The following SLC12A2 variants were observed in gnomAD, a reference collection of about 807,000 sequenced individuals.
SLC12A2 encodes the protein solute carrier family 12 member 2.
A neutral mutation model predicts 136.3 loss-of-function variants in SLC12A2; 67 were observed. The ratio of observed to expected loss-of-function variants is 0.49; its 90% confidence interval spans 0.40 to 0.60. The LOEUF is 0.60. Among genes scored for constraint, SLC12A2 ranks in the 20% least tolerant of loss-of-function variants. The pLI is 0.00. For missense variants in SLC12A2, 1,322 were observed against 1,534.7 expected (o/e 0.86, Z 2.32); for synonymous variants, 619 against 562.9 (o/e 1.10, Z -1.41).
intron 1 of SLC12A2, among the ~76,000 whole-genome samples, chr5:128,085,424 GAAAGACCTGTGGGGTC>G (rs1432443541): frequency 6.6e-6 from 1 of 152,122 alleles, no homozygotes; most frequent in Admixed American, 6.5e-5. Flanking sequence ...AGGATGACCA[GAAAGACCTGTGGGGTC>G]TTTGCCATAA....
At chr5:128,137,396 CTTAG>C (rs1204978925) in intron 7 of SLC12A2, among the ~76,000 whole-genome samples, 1 of 152,114 alleles carries the variant, frequency 6.6e-6, no homozygotes, top group African/African-American at 2.4e-5. Flanking sequence ...TCAGCAAACT[CTTAG>C]CTTAAGTATT....
chr5:128,111,436 A>G (rs1410461164), intron 1 of SLC12A2, among the ~76,000 whole-genome samples: 1 of 152,178 alleles, frequency 6.6e-6, no homozygotes, highest in East Asian at 1.9e-4. Context: ...GCACTGTGGT[A>G]GCACAGAACT....
At chr5:128,183,858 G>T (rs893972654) in intron 24 of SLC12A2, among the ~76,000 whole-genome samples, 3 of 152,022 alleles carry the variant, frequency 2.0e-5, no homozygotes, top group African/African-American at 7.2e-5. Context: ...GCCATAAGGG[G>T]AGGCGGGGTA....
chr5:128,167,557 TTA>T (rs2126741045), intron 17 of SLC12A2, among the ~76,000 whole-genome samples: 1 of 152,222 alleles, frequency 6.6e-6, no homozygotes, highest in Admixed American at 6.5e-5. Flanking sequence ...TATTTTTAAA[TTA>T]TATTTTTGTG....
chr5:128,180,647 C>T (rs1346133250), intron 22 of SLC12A2, among the ~76,000 whole-genome samples: 2 of 152,292 alleles, frequency 1.3e-5, no homozygotes, highest in East Asian at 1.9e-4. Context: ...TGACTGATCT[C>T]GACCTTACCA....
intron 4 of SLC12A2, among the ~76,000 whole-genome samples, chr5:128,121,044 C>T (rs1019413260): frequency 4.6e-5 from 7 of 151,922 alleles, no homozygotes; most frequent in Non-Finnish European, 1.0e-4. Flanking sequence ...TGAATTTTCC[C>T]TAGTGTTATG....
At chr5:128,093,475 A>G (rs1405717453) in intron 1 of SLC12A2, among the ~76,000 whole-genome samples, 1 of 152,124 alleles carries the variant, frequency 6.6e-6, no homozygotes, top group African/African-American at 2.4e-5. Context: ...AGATAACTCA[A>G]GCTCACAAAC....
intron 5 of SLC12A2, among the ~76,000 whole-genome samples, chr5:128,133,170 A>G (rs928373918): frequency 1.3e-5 from 2 of 152,100 alleles, no homozygotes; most frequent in African/African-American, 4.8e-5. Flanking sequence ...AAAAAACACT[A>G]AAAAATTTTT....
rs751131333 is a variant in SLC12A2 at position 128,112,802 on chromosome 5, T to C, written c.757-12T>C. The C allele has an allele frequency of 6.3e-7, 1 of 1,585,792 alleles. No homozygotes were observed. On this transcript the variant is annotated splice_polypyrimidine_tract_variant and intron_variant, in intron 1 of 26. Transcript: ENST00000262461. Reference sequence around the variant, plus strand: ...AATGTTAAGCATAATTCATATTTCTTTTTATAACCAGGAACCTTTTGAGGA... The same window carrying C: ...AATGTTAAGCATAATTCATATTTCTCTTTATAACCAGGAACCTTTTGAGGA...
intron 1 of SLC12A2, among the ~76,000 whole-genome samples, chr5:128,091,370 T>G (rs78502092): frequency 0.019 from 2,883 of 152,300 alleles, 80 homozygotes; most frequent in African/African-American, 0.062. Context: ...TTGCAGATAC[T>G]GGTTTGTTAA....
intron 14 of SLC12A2, among the ~76,000 whole-genome samples, chr5:128,152,101 T>C (rs1302866376): frequency 1.3e-5 from 2 of 151,936 alleles, no homozygotes; most frequent in African/African-American, 4.8e-5. Context: ...ATTACAAGAG[T>C]AGTTTCAATA....
intron 5 of SLC12A2, among the ~76,000 whole-genome samples, chr5:128,132,857 G>A (rs1762071129): frequency 6.6e-6 from 1 of 151,898 alleles, no homozygotes; most frequent in Admixed American, 6.6e-5. Context: ...CAAAGTTTAA[G>A]GTTTACTCTA....
At chr5:128,170,433 T>C (rs1253168435) in intron 18 of SLC12A2, 1 of 152,202 alleles carries the variant, frequency 6.6e-6, no homozygotes, top group African/African-American at 2.4e-5. Flanking sequence ...AAAAGACCTT[T>C]TATAACCATA....
intron 1 of SLC12A2, among the ~76,000 whole-genome samples, chr5:128,094,008 A>G (rs1416416040): frequency 6.6e-6 from 1 of 151,838 alleles, no homozygotes. Flanking sequence ...CCACCATTCC[A>G]TACACCCACT....
At chr5:128,126,966 A>ATATATATATATATATATATATAATT in intron 4 of SLC12A2, among the ~76,000 whole-genome samples, 1 of 21,156 alleles carries the variant, frequency 4.7e-5, no homozygotes, top group African/African-American at 2.5e-4. Context: ...ATATATATAT[A>ATATATATATATATATATATATAATT]TTTTTTTTTT....
chr5:128,083,811 A>G lies in SLC12A2; in HGVS notation c.-144A>G. 1 of 596,200 alleles carries G rather than the reference A, an allele frequency of 1.7e-6. No homozygotes were observed. Among genetic ancestry groups the G allele is most frequent in the Non-Finnish European group, 2.4e-6 (1 of 414,920 alleles). 36.9% of individuals were successfully genotyped at this position (596,200 alleles called of 1,614,324 possible). On this transcript the variant is annotated 5_prime_UTR_variant, in exon 1 of 27. Coordinates refer to ENST00000262461, the MANE Select transcript of SLC12A2 (RefSeq NM_001046.3). ...CTGCCGGTGGCCTCTGTGGCCGTCCAGGCTAGCGGCGGCCCGCAGGCGGCG... is the reference window on the plus strand; with the variant it reads ...CTGCCGGTGGCCTCTGTGGCCGTCCGGGCTAGCGGCGGCCCGCAGGCGGCG...
intron 21 of SLC12A2, 132 bp from the exon 22 acceptor site, chr5:128,178,435 C>G (rs1199941030): frequency 2.6e-5 from 13 of 505,238 alleles, no homozygotes; most frequent in Non-Finnish European, 4.0e-5. Context: ...ATGGTAGATG[C>G]CGTATACAAT....
rs539820991 is a variant in SLC12A2, at chr5:128,087,267, T to G, written c.756+2557T>G. On this transcript the variant is annotated intron_variant, in intron 1 of 26. Transcript: ENST00000262461. ...TTATGAGTTATTGGGGAAGGGGGTA[T>G]CTTAGATGTTGACAACATGCTTGTG... Among the ~76,000 whole-genome samples the G allele has an allele frequency of 1.4e-4, 22 of 152,314 alleles. No individual in the cohort carries two copies. The South Asian group carries it at 4.4e-3, about 30-fold the overall frequency.
At chr5:128,148,089 A>C (rs1274715250) in intron 11 of SLC12A2, among the ~76,000 whole-genome samples, 2 of 151,716 alleles carry the variant, frequency 1.3e-5, no homozygotes, top group Non-Finnish European at 3.0e-5. Context: ...AGTCAGTATG[A>C]TATCAACCTA....
Sources: gnomAD v4.1 joint callset for allele counts (sites outside exome capture counted in the v4.1 genomes callset) on GRCh38, gnomAD v4.1.1 for gene constraint, MANE v1.5 for transcripts, NCBI Gene and HGNC (gene_info 2026-07-23, HGNC 2026-07-21) for gene names.